Variants in ZFP14 observed in about 807,000 individuals in gnomAD.
The protein encoded by ZFP14 is ZFP14 zinc finger protein, also known as zinc finger protein 14 homolog.
A neutral mutation model predicts 54.5 loss-of-function variants in ZFP14; 22 were observed. The ratio of observed to expected loss-of-function variants is 0.40; its 90% CI spans 0.29 to 0.58. The LOEUF (loss-of-function observed/expected upper bound fraction) is 0.58. Ranked by LOEUF, ZFP14 falls within the 20% of genes least tolerant of loss-of-function variation. The probability of loss-of-function intolerance (pLI) is 0.39; values close to 1 mark genes in which losing one functional copy is unlikely to be tolerated. For missense variants in ZFP14, 470 were observed against 637.8 expected (o/e 0.74, Z 2.83); for synonymous variants, 159 against 204.0 (o/e 0.78, Z 1.88).
At chr19:36,376,576 GC>G (rs1384415662) in intron 1 of ZFP14, among the ~76,000 whole-genome samples, 3 of 151,978 alleles carry the variant, frequency 2.0e-5, no homozygotes, top group Admixed American at 2.0e-4. Flanking sequence ...ATTCTTCGCA[GC>G]CCTGCTCTTG....
At chr19:36,372,010 GGGAA>G (rs906297029) in intron 1 of ZFP14, among the ~76,000 whole-genome samples, 4 of 133,758 alleles carry the variant, frequency 3.0e-5, no homozygotes, top group Admixed American at 1.6e-4. Context: ...GAGGGAAGGA[GGGAA>G]GGAAGGAAGG....
chr19:36,354,189 G>A (rs2031576137), intron 4 of ZFP14, among the ~76,000 whole-genome samples: 2 of 138,848 alleles, frequency 1.4e-5, no homozygotes, highest in Admixed American at 1.5e-4. Flanking sequence ...TGGCCAACAT[G>A]GTGAAACCTT....
chr19:36,347,128 ACTGAGAG>A (rs1209836358), intron 4 of ZFP14, among the ~76,000 whole-genome samples: 1 of 152,180 alleles, frequency 6.6e-6, no homozygotes, highest in African/African-American at 2.4e-5. Flanking sequence ...TTTGTCTTTG[ACTGAGAG>A]CATGTGTTTC....
chr19:36,341,716 A>G lies in ZFP14; in HGVS notation c.236-126T>C, dbSNP rs2031319595. 1.2e-6 allele frequency: 1 copy of G among 842,016 alleles called. No homozygotes were observed. The highest frequency in any genetic ancestry group is 3.5e-5 in the Admixed American group (1 of 28,708). 52.2% of individuals were successfully genotyped at this position (842,016 alleles called of 1,614,324 possible). On this transcript the variant is annotated intron_variant, in intron 4 of 4. Transcript: ENST00000270001. This position sits in a 1 kb window ranked among gnomAD's most constrained non-coding sequence, Gnocchi z 4.2. ...ATAATGCCTGTTACAAATTGAATGG[A>G]TTAGACAGATCTCAAACATAGACAT...
At position 36,336,415 on chromosome 19, in the gene ZFP14, C is replaced by G. The variant is rs1338795136; in HGVS notation, c.*3809G>C. On this transcript the variant is annotated 3_prime_UTR_variant, in exon 5 of 5. Transcript: ENST00000270001. ...CCACCATGCCTGGCTAATTTTGTAT[C>G]TTTAATAGAGATGGGGTTTCTCAGT... 1 of 151,194 alleles carries G rather than the reference C, an allele frequency of 6.6e-6. No individual in the cohort carries two copies. The highest frequency in any genetic ancestry group is 1.5e-5 in the Non-Finnish European group (1 of 67,772). The allele number at this position is 151,194 out of a possible 1,614,324, so 9.4% of individuals were successfully genotyped here.
At position 36,360,511 on chromosome 19, in the gene ZFP14, A is replaced by C; in HGVS notation, c.159T>G (p.Asp53Glu). Residue 53 changes from aspartate to glutamate, a missense_variant, in exon 4 of 5, where the codon GAT (aspartate) becomes GAG (glutamate). Physicochemically the swap from Asp to Glu is conservative, Grantham distance 45. Transcript: ENST00000270001. The stretch of plus-strand genomic sequence containing the variant: ...TTTCTTCATCCAATAAGGTAATCAC[A>C]TCTGGTTTAGAAATGGAAGGTCCTG... ...ISLGPSISKP[D>E]VITLLDEERK... 6.2e-7 allele frequency: 1 copy of C among 1,613,350 alleles called. No homozygotes were observed. Among genetic ancestry groups the C allele is most frequent in the South Asian group, 1.1e-5 (1 of 90,822 alleles).
chr19:36,376,788 G>A (rs145435060), intron 1 of ZFP14, among the ~76,000 whole-genome samples: 72 of 152,254 alleles, frequency 4.7e-4, no homozygotes, highest in African/African-American at 1.4e-3. Context: ...TCTACTCAGA[G>A]CCATCCTATA....
intron 1 of ZFP14, among the ~76,000 whole-genome samples, chr19:36,373,644 T>A (rs1044431443): frequency 1.3e-5 from 2 of 152,174 alleles, no homozygotes; most frequent in African/African-American, 4.8e-5. Flanking sequence ...ATGATGTACA[T>A]GATAAATACA....
Position 36,364,982 on chromosome 19 carries a change from CT to C in ZFP14, c.10-2745del, listed in dbSNP as rs1198585944. Among the ~76,000 whole-genome samples the C allele has an allele frequency of 2.3e-5, 3 of 129,254 alleles. No individual in the cohort carries two copies. The South Asian group carries it at 7.4e-4, about 32-fold the overall frequency. The allele number at this position is 129,254 out of a possible 152,430, so 84.8% of individuals were successfully genotyped here. A position where few individuals can be genotyped will look rare whatever the true frequency, so the allele number is the denominator to read the frequency against. ...CTTCTTTCTTTCTTTGCTTTCTTTC[CT>C]TTTTCTTTTTCTTTTTTTTTTTTTT... On this transcript the variant is annotated intron_variant, in intron 2 of 4. Transcript: ENST00000270001.
chr19:36,341,326 T>C lies in ZFP14; in HGVS notation c.500A>G (p.Asn167Ser). 1 of 1,614,220 alleles carries C rather than the reference T, an allele frequency of 6.2e-7. No homozygotes were observed. Among genetic ancestry groups the C allele is most frequent in the Non-Finnish European group, 8.5e-7 (1 of 1,180,046 alleles). ...NFLTEYQIVH[N>S]GEKVYECKEC... ...CTTACACTCATACACCTTTTCTCCA[T>C]TATGAACGATCTGATACTCAGTAAG... Residue 167 changes from asparagine to serine, a missense_variant, in exon 5 of 5, where the codon AAT becomes AGT. Transcript: ENST00000270001. This position sits in a 1 kb window ranked among gnomAD's most constrained non-coding sequence, Gnocchi z 4.2.
chr19:36,357,591 T>A (rs999406348), intron 4 of ZFP14, among the ~76,000 whole-genome samples: 2 of 152,224 alleles, frequency 1.3e-5, no homozygotes, highest in Admixed American at 1.3e-4. Flanking sequence ...CCCATTGGAA[T>A]GCTTTGGCAT....
chr19:36,352,040 G>C lies in ZFP14; in HGVS notation c.235+8395C>G, dbSNP rs1342212221. 2.1e-5 allele frequency among the ~76,000 whole-genome samples: 3 copies of C among 140,648 alleles called. No individual in the cohort carries two copies. In the East Asian group the frequency reaches 6.3e-4, roughly 30 times the overall value. 92.3% of individuals were successfully genotyped at this position (140,648 alleles called of 152,430 possible). On this transcript the variant is annotated intron_variant, in intron 4 of 4. Transcript: ENST00000270001. ...CTACTAAAAATACAAAAAAATTAGC[G>C]GGGCGTGGTGGTGAGCGCCTGTAGT...
intron 1 of ZFP14, among the ~76,000 whole-genome samples, chr19:36,369,484 C>T (rs1410860160): frequency 6.6e-6 from 1 of 152,112 alleles, no homozygotes. Context: ...GACCATGGCT[C>T]ACTGTAACCT....
intron 2 of ZFP14, among the ~76,000 whole-genome samples, chr19:36,365,750 G>A (rs1568472746): frequency 1.3e-5 from 2 of 152,122 alleles, no homozygotes; most frequent in African/African-American, 4.8e-5. Context: ...CTTGAGCCCA[G>A]GAGTTTGAGT....
In ZFP14 at chr19:36,340,352, A is replaced by C; in HGVS notation, c.1474T>G (p.Tyr492Asp). ...CTCTGGTGTTGAGTAAGAAATGAAT[A>C]AAGTCTAAAAGCCTTACCACATTCC... is the stretch of plus-strand genomic sequence containing the variant. ...CKECGKAFRL[Y>D]SFLTQHQRIH... Residue 492 changes from tyrosine to aspartate, a missense_variant, in exon 5 of 5, where the codon TAT (tyrosine) becomes GAT (aspartate). Coordinates refer to ENST00000270001, the MANE Select transcript of ZFP14 (RefSeq NM_020917.3). This position sits in a 1 kb window ranked among gnomAD's most constrained non-coding sequence, Gnocchi z 5.4. The C allele has an allele frequency of 6.2e-7, 1 of 1,614,136 alleles. No individual in the cohort carries two copies. The highest frequency in any genetic ancestry group is 8.5e-7 in the Non-Finnish European group (1 of 1,180,020).
At chr19:36,355,986 T>C (rs1338146235) in intron 4 of ZFP14, among the ~76,000 whole-genome samples, 3 of 142,840 alleles carry the variant, frequency 2.1e-5, no homozygotes, top group Admixed American at 1.4e-4. Context: ...CTTTTCCCCA[T>C]TCCCCTCAAC....
rs1300322488 is a variant in ZFP14 at position 36,340,618 on chromosome 19, T to C, written c.1208A>G (p.Lys403Arg). The C allele has an allele frequency of 6.2e-7, 1 of 1,614,138 alleles. No individual in the cohort carries two copies. The highest frequency in any genetic ancestry group is 1.3e-5 in the African/African-American group (1 of 75,056). Residue 403 changes from lysine to arginine, a missense_variant, in exon 5 of 5, where the codon AAG becomes AGG. Coordinates refer to ENST00000270001, the MANE Select transcript of ZFP14 (RefSeq NM_020917.3). The surrounding 1 kb of genome is among the most constrained non-coding windows in gnomAD (Gnocchi z 5.4). The part of the protein sequence containing the change: ...EKPYECMECW[K>R]TFSSYSQLIS... ...AAGCTGTGAGTAACTACTAAAGGTCTTCCAACATTCCATACATTCATAGGG... is the reference window on the plus strand; with the variant it reads ...AAGCTGTGAGTAACTACTAAAGGTCCTCCAACATTCCATACATTCATAGGG...
At chr19:36,362,341 CA>C in intron 2 of ZFP14, 103 bp from the exon 3 acceptor site, 1 of 1,267,642 alleles carries the variant, frequency 7.9e-7, no homozygotes, top group Non-Finnish European at 1.1e-6. Flanking sequence ...GGTCAGATAG[CA>C]TGCAAACAGC....
intron 4 of ZFP14, among the ~76,000 whole-genome samples, chr19:36,344,618 C>CAGCAGAAGGTG (rs1395539902): frequency 6.6e-6 from 1 of 152,144 alleles, no homozygotes; most frequent in African/African-American, 2.4e-5. Context: ...CCGGGCTGCA[C>CAGCAGAAGGTG]AGCAGAAGGT....
Sources: gnomAD v4.1 joint callset for allele counts (sites outside exome capture counted in the v4.1 genomes callset) on GRCh38, gnomAD v4.1.1 for gene constraint, Gnocchi (gnomAD v3.1) non-coding constraint, MANE v1.5 for transcripts, NCBI Gene and HGNC (gene_info 2026-07-23, HGNC 2026-07-21) for gene names.